COL6A3: variants seen among roughly 807,000 people sequenced by gnomAD.
COL6A3 encodes collagen type VI alpha 3 chain.
In COL6A3, 137 loss-of-function variants were observed where a neutral mutation model predicts 274.1. That is an observed-to-expected ratio of 0.50 (90% confidence interval 0.44 to 0.58). COL6A3 has a LOEUF of 0.58. Ranked by LOEUF, COL6A3 falls within the 20% of genes least tolerant of loss-of-function variation. The probability of loss-of-function intolerance (pLI) is 0.00; values close to 1 mark genes in which losing one functional copy is unlikely to be tolerated. For synonymous variants in COL6A3, 1,650 were observed against 1,650.6 expected (o/e 1.00, Z 0.01); for missense variants, 3,950 against 4,124.9 (o/e 0.96, Z 1.16).
In COL6A3 at chr2:237,376,998, G is replaced by A. The variant is rs567151556; in HGVS notation, c.2844C>T (p.Val948=). 10 of 1,614,038 alleles carry A rather than the reference G, an allele frequency of 6.2e-6. No homozygotes were observed. The highest frequency in any genetic ancestry group is 2.2e-5 in the South Asian group (2 of 91,068). Residue 948 remains valine, a synonymous_variant, in exon 7 of 44, where the codon GTC becomes GTT. Transcript: ENST00000295550. ...DGVLQFLVLL[V]AGRSSDRVDG... ...CCACACGGTCAGATGACCTTCCTGC[G>A]ACCAGCAGCACCAGGAACTGAAGCA...
chr2:237,395,989 A>T (rs2078430920), intron 2 of COL6A3, among the ~76,000 whole-genome samples: 1 of 152,148 alleles, frequency 6.6e-6, no homozygotes, highest in Admixed American at 6.5e-5. Context: ...GCTGGACTCT[A>T]CTTACCTCAG....
chr2:237,340,567 T>C lies in COL6A3; in HGVS notation c.8349A>G (p.Val2783=), dbSNP rs1236015536. 4.3e-6 allele frequency: 7 copies of C among 1,614,046 alleles called. No individual in the cohort carries two copies. The highest frequency in any genetic ancestry group is 1.1e-5 in the South Asian group (1 of 91,078). Residue 2783 remains valine (V), a synonymous_variant, in exon 38 of 44, where the codon GTA becomes GTG. Coordinates refer to ENST00000295550, the MANE Select transcript of COL6A3 (RefSeq NM_004369.4). ...CGTTTGGCTCACTGGCGAAGGTGTA[T>C]ACCTCCTTGATGTTCACCTTCCTGC... ...GIGRKVNIKE[V]YTFASEPNDV...
At position 237,381,408 on chromosome 2, in the gene COL6A3, A is replaced by T. The variant is rs1219320101; in HGVS notation, c.1404T>A (p.Ile468=). ...LANFNAIRDF[I]AKVIQRLEIG... ...TTTCCAGCCTCTGGATGACTTTAGC[A>T]ATGAAGTCTCGGATGGCATTGAAGT... The change falls in exon 5 of 44, where the codon ATT becomes ATA. Residue 468 remains isoleucine, a synonymous_variant. Transcript: ENST00000295550. 6.2e-7 allele frequency: 1 copy of T among 1,613,836 alleles called. No homozygotes were observed. The highest frequency in any genetic ancestry group is 1.1e-5 in the South Asian group (1 of 91,080).
intron 36 of COL6A3, chr2:237,343,986 C>A: frequency 2.7e-6 from 1 of 371,322 alleles, no homozygotes; most frequent in South Asian, 2.2e-5. Context: ...GCACAGGGGG[C>A]CATCTTGGGA....
intron 24 of COL6A3, 100 bp downstream of exon 24, chr2:237,354,799 G>T: frequency 1.0e-6 from 1 of 1,002,742 alleles, no homozygotes; most frequent in Non-Finnish European, 1.5e-6. Context: ...ATCTGTCTCC[G>T]AAGCTTTGGG....
At chr2:237,390,125 C>T (rs560668961) in intron 3 of COL6A3, among the ~76,000 whole-genome samples, 11 of 152,242 alleles carry the variant, frequency 7.2e-5, no homozygotes, top group Middle Eastern at 3.4e-3. Flanking sequence ...CATATCAAGA[C>T]GTTTAAAAGA....
In COL6A3 at chr2:237,381,437, C is replaced by T. The variant is rs749030290; in HGVS notation, c.1375G>A (p.Ala459Thr). 1.2e-6 allele frequency: 2 copies of T among 1,611,358 alleles called. No homozygotes were observed. The highest frequency in any genetic ancestry group is 1.7e-6 in the Non-Finnish European group (2 of 1,180,012). The change falls in exon 5 of 44, where the codon GCC (alanine) becomes ACC (threonine). Residue 459 changes from alanine (A) to threonine (T), a missense_variant. Physicochemically the swap from Ala to Thr is moderately conservative, Grantham distance 58. Coordinates refer to ENST00000295550, the MANE Select transcript of COL6A3 (RefSeq NM_004369.4). Reference protein sequence around the residue: ...LVDGSSALGLANFNAIRDFIA... With the variant: ...LVDGSSALGLTNFNAIRDFIA... ...AAGTCTCGGATGGCATTGAAGTTGG[C>T]CAGTCCCAGTGCAGATGAGCCATCC...
At chr2:237,393,272 C>G (rs754523680) in intron 3 of COL6A3, among the ~76,000 whole-genome samples, 1 of 152,208 alleles carries the variant, frequency 6.6e-6, no homozygotes, top group Non-Finnish European at 1.5e-5. Context: ...CTTGTAATCT[C>G]TGATAGCAAC....
In COL6A3 at chr2:237,374,917, C is replaced by T; in HGVS notation, c.3174G>A (p.Leu1058=). 1.2e-6 allele frequency: 2 copies of T among 1,613,972 alleles called. No individual in the cohort carries two copies. The highest frequency in any genetic ancestry group is 1.7e-6 in the Non-Finnish European group (2 of 1,180,014). The change falls in exon 8 of 44, where the codon CTG becomes CTA. Residue 1058 remains leucine, a synonymous_variant. Coordinates refer to ENST00000295550, the MANE Select transcript of COL6A3 (RefSeq NM_004369.4). This position sits in a 1 kb window ranked among gnomAD's most constrained non-coding sequence, Gnocchi z 4.8. ...KEFVQRVVES[L]DVGQDRVRVA... ...CGCGGACCCGGTCCTGGCCCACATC[C>T]AGGCTTTCCACCACTCTCTGGACAA...
chr2:237,359,967 G>C, intron 17 of COL6A3, 121 bp downstream of exon 17: 1 of 999,946 alleles, frequency 1.0e-6, no homozygotes, highest in South Asian at 1.4e-5. Context: ...GAGAGGTCAC[G>C]GGCTGCTGAA....
Position 237,368,967 on chromosome 2 carries a change from A to C in COL6A3, c.4496T>G (p.Val1499Gly). The change falls in exon 10 of 44, where the codon GTG becomes GGG. Residue 1499 changes from valine to glycine, a missense_variant. By Grantham distance (109) the Val-to-Gly change is moderately radical. This residue lies in a region of COL6A3 where 1,934 missense variants were observed against 1,984.3 expected (regional missense o/e 0.97). Coordinates refer to ENST00000295550, the MANE Select transcript of COL6A3 (RefSeq NM_004369.4). The surrounding 1 kb of genome is among the most constrained non-coding windows in gnomAD (Gnocchi z 4.4). ...CCTCAGGCGCCGTATGGCGTCCAGC[A>C]CCGGGGCCTGGGATCTGTAGGTTTT... The part of the protein sequence containing the change: ...YLKTYRSQAP[V>G]LDAIRRLRLR... 1.2e-6 allele frequency: 2 copies of C among 1,614,228 alleles called. No individual in the cohort carries two copies. The highest frequency in any genetic ancestry group is 1.7e-6 in the Non-Finnish European group (2 of 1,180,030).
Position 237,394,654 on chromosome 2 carries a change from C to G in COL6A3, c.642G>C (p.Val214=). The change falls in exon 3 of 44, where the codon GTG becomes GTC. Residue 214 remains valine, a synonymous_variant. Coordinates refer to ENST00000295550, the MANE Select transcript of COL6A3 (RefSeq NM_004369.4). ...GACTCACGGATGAATGCACACAGGA[C>G]ACTAAGTTTCCTACTATGTCATGAA... ...TSLHDIVGNL[V]SCVHSSVSPE... 6.2e-7 allele frequency: 1 copy of G among 1,614,200 alleles called. No homozygotes were observed. The highest frequency in any genetic ancestry group is 8.5e-7 in the Non-Finnish European group (1 of 1,180,028).
At chr2:237,379,528 A>G (rs2077947952) in intron 5 of COL6A3, among the ~76,000 whole-genome samples, 1 of 152,102 alleles carries the variant, frequency 6.6e-6, no homozygotes. Flanking sequence ...AATCCTTGAA[A>G]CCAAACACTC....
At position 237,366,028 on chromosome 2, in the gene COL6A3, A is replaced by T. The variant is rs745817795; in HGVS notation, c.5508T>A (p.Asn1836Lys). The stretch of plus-strand genomic sequence containing the variant: ...CATCAAACCCCAGAATCACATCCAG[A>T]TTACAAGCTGGAAAGGAGAAATGCA... ...PGVTDAAKAC[N>K]LDVILGFDGS... The change falls in exon 12 of 44, where the codon AAT becomes AAA. Residue 1836 changes from asparagine to lysine, a missense_variant. By Grantham distance (94) the Asn-to-Lys change is moderately conservative. Around this residue, in one of 5 missense-constraint regions of COL6A3, gnomAD observed 632 missense variants for 623.4 expected, o/e 1.01. Transcript: ENST00000295550. 3.1e-6 allele frequency: 5 copies of T among 1,613,144 alleles called. No individual in the cohort carries two copies. The African/African-American group carries it at 4.0e-5, about 13-fold the overall frequency.
intron 8 of COL6A3, 55 bp from the exon 9 acceptor site, chr2:237,372,392 T>C (rs1218737226): frequency 1.8e-5 from 29 of 1,599,616 alleles, no homozygotes; most frequent in Non-Finnish European, 1.0e-5. Flanking sequence ...ATTCTTAGCG[T>C]TCATGAGCCA....
At position 237,369,495 on chromosome 2, in the gene COL6A3, T is replaced by G. The variant is rs898896332; in HGVS notation, c.4286-318A>C. 1.3e-5 allele frequency among the ~76,000 whole-genome samples: 2 copies of G among 152,250 alleles called. 1 individual carries two copies. The highest frequency in any genetic ancestry group is 4.8e-5 in the African/African-American group (2 of 41,466). On this transcript the variant is annotated intron_variant, in intron 9 of 43. Transcript: ENST00000295550. The stretch of plus-strand genomic sequence containing the variant: ...GAGCATTTAGAAATCAATCTTGGGC[T>G]ACCGTAATCTACAGAATCATGAACT...
In COL6A3 at chr2:237,371,997, C is replaced by G; in HGVS notation, c.4020G>C (p.Leu1340=). The G allele has an allele frequency of 1.2e-6, 2 of 1,614,150 alleles. No homozygotes were observed. The highest frequency in any genetic ancestry group is 2.2e-5 in the South Asian group (2 of 91,080). The change falls in exon 9 of 44, where the codon CTG becomes CTC. Residue 1340 remains leucine, a synonymous_variant. Coordinates refer to ENST00000295550, the MANE Select transcript of COL6A3 (RefSeq NM_004369.4). The surrounding 1 kb of genome is among the most constrained non-coding windows in gnomAD (Gnocchi z 4.3). ...SRIEEGVPQF[L]VLISSGKSDD... is the part of the protein sequence containing the mutation. ...CAGACTTTCCAGACGAGATGAGGAC[C>G]AGGAACTGCGGGACGCCCTCTTCAA...
At chr2:237,370,444 G>C (rs936039793) in intron 9 of COL6A3, among the ~76,000 whole-genome samples, 1 of 151,760 alleles carries the variant, frequency 6.6e-6, no homozygotes, top group Non-Finnish European at 1.5e-5. Flanking sequence ...TCACCATATT[G>C]ACCAGGCTGG....
chr2:237,392,386 G>A (rs2078312592), intron 3 of COL6A3, among the ~76,000 whole-genome samples: 1 of 152,156 alleles, frequency 6.6e-6, no homozygotes, highest in Non-Finnish European at 1.5e-5. Flanking sequence ...CATTCTGATT[G>A]CAATCTTGCA....
Sources: allele counts gnomAD v4.1 joint callset (sites outside exome capture counted in the v4.1 genomes callset), GRCh38; gene constraint gnomAD v4.1.1; regional missense constraint gnomAD v4.1.1; non-coding constraint Gnocchi (gnomAD v3.1); transcripts MANE v1.5; gene names NCBI Gene and HGNC (gene_info 2026-07-23, HGNC 2026-07-21).